Variants in PCDHGB1 observed in about 807,000 individuals in gnomAD.
PCDHGB1 encodes protocadherin gamma subfamily B, 1.
In PCDHGB1, 34 loss-of-function variants were observed where a neutral mutation model predicts 56.6. The ratio of observed to expected loss-of-function variants is 0.60; its 90% CI spans 0.46 to 0.80. The LOEUF (loss-of-function observed/expected upper bound fraction) is 0.80. Ranked by LOEUF, PCDHGB1 falls within the 30% of genes least tolerant of loss-of-function variation. PCDHGB1 has a pLI of 0.00. For missense variants in PCDHGB1, 1,278 were observed against 1,204.6 expected, an observed-to-expected ratio of 1.06 and a Z score of -0.90; for synonymous variants, 561 against 505.9, an observed-to-expected ratio of 1.11 and a Z score of -1.46.
chr5:141,366,183 C>A, intron 1 of PCDHGB1: 6 of 1,613,986 alleles, frequency 3.7e-6, no homozygotes, highest in Non-Finnish European at 5.1e-6. Context: ...GGACTCTTTG[C>A]GGTTGGGCTG....
Position 141,385,307 on chromosome 5 carries a change from A to G in PCDHGB1, c.2409+32638A>G, listed in dbSNP as rs766207712. The stretch of plus-strand genomic sequence containing the variant: ...GTAGATTTTCAGGAATGTAAAGAAA[A>G]CCTGCCAAGTATTCAGGTGAGCCCA... On this transcript the variant is annotated intron_variant, in intron 1 of 3. Transcript: ENST00000523390. 19 of 1,612,402 alleles carry G rather than the reference A, an allele frequency of 1.2e-5. No homozygotes were observed. Among genetic ancestry groups the G allele is most frequent in the African/African-American group, 2.7e-5 (2 of 74,932 alleles).
intron 1 of PCDHGB1, chr5:141,419,592 T>C (rs1561782617): frequency 6.2e-7 from 1 of 1,611,670 alleles, no homozygotes. Context: ...TTCGACACAG[T>C]GCCGCGGGCC....
chr5:141,361,408 AC>A (rs1561523484), intron 1 of PCDHGB1: 1 of 1,614,054 alleles, frequency 6.2e-7, no homozygotes. Context: ...CATCACAGCC[AC>A]CGACGGGGGC....
intron 1 of PCDHGB1, among the ~76,000 whole-genome samples, chr5:141,482,141 A>C (rs1302783884): frequency 6.6e-6 from 1 of 152,116 alleles, no homozygotes; most frequent in African/African-American, 2.4e-5. Flanking sequence ...GCTGGCATAA[A>C]AAGGTCAAGT....
At chr5:141,352,835 A>G (rs1759122249) in intron 1 of PCDHGB1, 166 bp downstream of exon 1, 2 of 733,514 alleles carry the variant, frequency 2.7e-6, no homozygotes, top group East Asian at 2.7e-5. Context: ...TAAAATTACA[A>G]AAATTAGTTG....
At chr5:141,369,327 T>G (rs1766164391) in intron 1 of PCDHGB1, among the ~76,000 whole-genome samples, 1 of 152,160 alleles carries the variant, frequency 6.6e-6, no homozygotes, top group African/African-American at 2.4e-5. Context: ...GAAGAAACAG[T>G]ACATTTCAGG....
chr5:141,445,034 A>T (rs963629240), intron 1 of PCDHGB1, among the ~76,000 whole-genome samples: 4 of 152,156 alleles, frequency 2.6e-5, no homozygotes, highest in Admixed American at 2.0e-4. Context: ...GCTATGTTGT[A>T]TAGTTTTCAG....
intron 1 of PCDHGB1, among the ~76,000 whole-genome samples, chr5:141,461,768 C>T (rs532591390): frequency 1.3e-5 from 2 of 152,016 alleles, no homozygotes; most frequent in African/African-American, 4.8e-5. Context: ...ATTCTCCTGC[C>T]TCAGCCTCCC....
At chr5:141,506,231 A>G (rs1453468632) in intron 3 of PCDHGB1, among the ~76,000 whole-genome samples, 4 of 152,082 alleles carry the variant, frequency 2.6e-5, no homozygotes, top group African/African-American at 4.8e-5. Context: ...CAGGAGGATC[A>G]TGAGGTCAGG....
At chr5:141,365,429 G>T (rs781264093) in intron 1 of PCDHGB1, 7 of 1,613,990 alleles carry the variant, frequency 4.3e-6, no homozygotes, top group Non-Finnish European at 4.2e-6. Flanking sequence ...AACTGTAATC[G>T]CGCTGTTTAG....
At chr5:141,409,524 A>AT (rs1357085904) in intron 1 of PCDHGB1, 9 of 1,613,854 alleles carry the variant, frequency 5.6e-6, no homozygotes, top group Non-Finnish European at 6.8e-6. Context: ...ATCACCTTGT[A>AT]TGTCGCTGAC....
intron 1 of PCDHGB1, chr5:141,471,430 G>A (rs2099257545): frequency 6.6e-6 from 1 of 152,140 alleles, no homozygotes; most frequent in South Asian, 2.1e-4. Flanking sequence ...CAAGGAAAGT[G>A]TATAATCTCA....
rs1375291090 is a variant in PCDHGB1, at chr5:141,392,672, T to A, written c.2409+40003T>A. 5.7e-6 allele frequency: 5 copies of A among 880,364 alleles called. No homozygotes were observed. In the Admixed American group the frequency reaches 1.3e-4, roughly 22 times the overall value. 54.5% of individuals were successfully genotyped at this position (880,364 alleles called of 1,614,324 possible). A position where few individuals can be genotyped will look rare whatever the true frequency, so the allele number is the denominator to read the frequency against. Reference sequence around the variant, plus strand: ...CCCGCAGATGCCACAAACTAACTGCTGGACTGCAGCGAAACCCGACCCCTG... The same window carrying A: ...CCCGCAGATGCCACAAACTAACTGCAGGACTGCAGCGAAACCCGACCCCTG... On this transcript the variant is annotated intron_variant, in intron 1 of 3. Transcript: ENST00000523390.
chr5:141,432,503 G>T lies in PCDHGB1; in HGVS notation c.2410-62304G>T, dbSNP rs939325676. 8.7e-6 allele frequency: 14 copies of T among 1,613,988 alleles called. No homozygotes were observed. The highest frequency in any genetic ancestry group is 1.3e-5 in the African/African-American group (1 of 74,930). ...TGGCGTGGAGCTGGCTCCCCGCTCC[G>T]CAGAGCCCGGCTACCTGGTGACCAA... On this transcript the variant is annotated intron_variant, in intron 1 of 3. Transcript: ENST00000523390. The surrounding 1 kb of genome is among the most constrained non-coding windows in gnomAD (Gnocchi z 6.0).
intron 1 of PCDHGB1, chr5:141,404,536 G>A: frequency 6.2e-7 from 1 of 1,613,922 alleles, no homozygotes; most frequent in Non-Finnish European, 8.5e-7. Flanking sequence ...TTAGAGATTT[G>A]CAAATGCAGG....
chr5:141,476,318 G>T lies in PCDHGB1; in HGVS notation c.2410-18489G>T. 3 of 1,614,202 alleles carry T rather than the reference G, an allele frequency of 1.9e-6. No homozygotes were observed. The highest frequency in any genetic ancestry group is 2.5e-6 in the Non-Finnish European group (3 of 1,180,052). The stretch of plus-strand genomic sequence containing the variant: ...TAGCCTCTCAGCCCGCAGGTTCCGG[G>T]TGGTGTCTGGAGCTAGCCGAAGATT... On this transcript the variant is annotated intron_variant, in intron 1 of 3. Transcript: ENST00000523390. This position sits in a 1 kb window ranked among gnomAD's most constrained non-coding sequence, Gnocchi z 7.6.
At chr5:141,365,935 C>A (rs1191838027) in intron 1 of PCDHGB1, 2 of 1,614,106 alleles carry the variant, frequency 1.2e-6, no homozygotes, top group African/African-American at 2.7e-5. Flanking sequence ...TGACAGCCAG[C>A]GACAGTGGGA....
chr5:141,405,032 G>T lies in PCDHGB1; in HGVS notation c.2409+52363G>T, dbSNP rs747720731. On this transcript the variant is annotated intron_variant, in intron 1 of 3. Coordinates refer to ENST00000523390, the MANE Select transcript of PCDHGB1 (RefSeq NM_018922.3). Reference sequence around the variant, plus strand: ...GGCCTCAGACCTTACCCTCTACCTCGTTGTGGCTGTGGCAGTCGTCTCCTG... The same window carrying T: ...GGCCTCAGACCTTACCCTCTACCTCTTTGTGGCTGTGGCAGTCGTCTCCTG... The T allele has an allele frequency of 1.9e-6, 3 of 1,613,806 alleles. No homozygotes were observed. Among genetic ancestry groups the T allele is most frequent in the Admixed American group, 3.3e-5 (2 of 59,992 alleles).
chr5:141,392,878 C>G, intron 1 of PCDHGB1: 2 of 1,613,474 alleles, frequency 1.2e-6, no homozygotes, highest in Non-Finnish European at 1.7e-6. Context: ...CTGCTGGGAA[C>G]GCTGTGGGAA....
Sources: gnomAD v4.1 joint callset for allele counts (sites outside exome capture counted in the v4.1 genomes callset) on GRCh38, gnomAD v4.1.1 for gene constraint, Gnocchi (gnomAD v3.1) non-coding constraint, MANE v1.5 for transcripts, NCBI Gene and HGNC (gene_info 2026-07-23, HGNC 2026-07-21) for gene names.